ALDH1L1: variants seen among roughly 807,000 people sequenced by gnomAD.
ALDH1L1 encodes aldehyde dehydrogenase 1 family member L1.
ALDH1L1 carries 68 observed loss-of-function variants against 101.1 expected under a neutral mutation model. That is an observed-to-expected ratio of 0.67 (90% CI 0.55 to 0.82). The LOEUF is 0.82. ALDH1L1 is among the 40% of genes least tolerant of loss of function. ALDH1L1 has a pLI of 0.00. For synonymous variants in ALDH1L1, 486 were observed against 470.8 expected (o/e 1.03, Z -0.42); for missense variants, 1,087 against 1,172.7 (o/e 0.93, Z 1.07).
At chr3:126,165,108 G>T (rs1424279924) in intron 1 of ALDH1L1, among the ~76,000 whole-genome samples, 1 of 151,974 alleles carries the variant, frequency 6.6e-6, no homozygotes, top group Non-Finnish European at 1.5e-5. Flanking sequence ...TTTTAATGGG[G>T]TTATTTGTTT....
intron 6 of ALDH1L1, 75 bp from the exon 7 acceptor site, chr3:126,153,656 G>A: frequency 1.3e-6 from 2 of 1,543,410 alleles, no homozygotes; most frequent in South Asian, 2.5e-5. Flanking sequence ...GCAGGTCTGA[G>A]CAGGGCTGGG....
upstream of ALDH1L1, among the ~76,000 whole-genome samples, chr3:126,183,451 C>T (rs1304475664): frequency 6.6e-6 from 1 of 152,048 alleles, no homozygotes; most frequent in Non-Finnish European, 1.5e-5. Context: ...CGGATATGAA[C>T]CTGGGCTGCA....
At chr3:126,146,955 G>T (rs1395231451) in intron 8 of ALDH1L1, 29 bp from the exon 9 acceptor site, 1 of 1,605,318 alleles carries the variant, frequency 6.2e-7, no homozygotes, top group South Asian at 1.1e-5. Flanking sequence ...TGAGAGGCTG[G>T]CCCCAGGGGA....
chr3:126,181,119 C>A, upstream of ALDH1L1: 3 of 963,632 alleles, frequency 3.1e-6, no homozygotes, highest in Non-Finnish European at 4.8e-6. Context: ...AGAAAAACAG[C>A]CCCTGGTTTT....
At chr3:126,189,432 A>G (rs912305853) in intron 1 of ALDH1L1, among the ~76,000 whole-genome samples, 10 of 152,184 alleles carry the variant, frequency 6.6e-5, no homozygotes. Context: ...CTTAAAGTCT[A>G]CAACAGGTGT....
intron 1 of ALDH1L1, among the ~76,000 whole-genome samples, chr3:126,192,319 A>T (rs2081557439): frequency 6.6e-6 from 1 of 152,336 alleles, no homozygotes; most frequent in East Asian, 1.9e-4. Flanking sequence ...GAGTCCTTGA[A>T]TTGCCCAGGC....
At chr3:126,182,540 G>A (rs1468864033), upstream of ALDH1L1, among the ~76,000 whole-genome samples, 1 of 152,178 alleles carries the variant, frequency 6.6e-6, no homozygotes, top group African/African-American at 2.4e-5. Context: ...ATTCTCCTGG[G>A]AAGTCCCCAG....
intron 17 of ALDH1L1, 137 bp from the exon 18 acceptor site, chr3:126,114,793 T>TCCCCCCCCCCCCCCCCCCCCCCCCC: frequency 1.7e-6 from 1 of 595,646 alleles, no homozygotes; most frequent in Non-Finnish European, 2.8e-6. Context: ...GCCTCCCCAC[T>TCCCCCCCCCCCCCCCCCCCCCCCCC]CCCCCCCACC....
chr3:126,167,852 C>T (rs1172914665), intron 1 of ALDH1L1, among the ~76,000 whole-genome samples: 2 of 152,112 alleles, frequency 1.3e-5, no homozygotes, highest in Non-Finnish European at 2.9e-5. Flanking sequence ...ATTGAAAAAA[C>T]AGCATTATAT....
At chr3:126,154,795 T>G (rs1315717886) in intron 5 of ALDH1L1, 152 bp from the exon 6 acceptor site, 4 of 658,820 alleles carry the variant, frequency 6.1e-6, no homozygotes, top group Non-Finnish European at 1.1e-5. Context: ...CTGGTGCCCC[T>G]AGTTCTGGGT....
chr3:126,155,077 T>A (rs1236966794), intron 5 of ALDH1L1, among the ~76,000 whole-genome samples: 1 of 152,134 alleles, frequency 6.6e-6, no homozygotes, highest in Non-Finnish European at 1.5e-5. Context: ...CCCTCACACC[T>A]TGCCTTGAAG....
chr3:126,136,425 T>C (rs554155676), intron 11 of ALDH1L1, among the ~76,000 whole-genome samples: 16 of 152,224 alleles, frequency 1.1e-4, no homozygotes, highest in African/African-American at 3.6e-4. Flanking sequence ...GCTCAAGTAG[T>C]AGACAAGGTA....
chr3:126,141,592 A>C (rs924447058), intron 9 of ALDH1L1, among the ~76,000 whole-genome samples: 1 of 152,100 alleles, frequency 6.6e-6, no homozygotes, highest in Non-Finnish European at 1.5e-5. Context: ...GAGCTAGCAC[A>C]CTCTTAAACA....
At chr3:126,196,862 A>G (rs140856107) in intron 1 of ALDH1L1, among the ~76,000 whole-genome samples, 1 of 152,282 alleles carries the variant, frequency 6.6e-6, no homozygotes, top group East Asian at 1.9e-4. Flanking sequence ...AAAGGACAAA[A>G]CCTTAGCTAC....
intron 14 of ALDH1L1, among the ~76,000 whole-genome samples, chr3:126,126,453 C>T (rs779679648): frequency 2.2e-4 from 34 of 152,206 alleles, no homozygotes; most frequent in South Asian, 4.1e-4. Context: ...AGGCTCCTGT[C>T]GCCACCCCAC....
intron 1 of ALDH1L1, among the ~76,000 whole-genome samples, chr3:126,165,604 C>T (rs2081150319): frequency 6.6e-6 from 1 of 152,092 alleles, no homozygotes; most frequent in Non-Finnish European, 1.5e-5. Context: ...TTTCAGAGCT[C>T]AATATTGGTC....
At chr3:126,121,002 A>G (rs1340964725) in intron 16 of ALDH1L1, among the ~76,000 whole-genome samples, 1 of 152,104 alleles carries the variant, frequency 6.6e-6, no homozygotes, top group Non-Finnish European at 1.5e-5. Context: ...TTATTTGGGG[A>G]TGAAGTCAGT....
intron 1 of ALDH1L1, among the ~76,000 whole-genome samples, chr3:126,168,034 G>A (rs1354658218): frequency 6.6e-6 from 1 of 151,988 alleles, no homozygotes; most frequent in Non-Finnish European, 1.5e-5. Context: ...TATAAAAACA[G>A]TAAAAAGTGT....
intron 1 of ALDH1L1, among the ~76,000 whole-genome samples, chr3:126,167,811 C>G (rs1330714526): frequency 6.6e-6 from 1 of 152,114 alleles, no homozygotes; most frequent in Non-Finnish European, 1.5e-5. Context: ...TACCTAAGCA[C>G]TCACCTTGCG....
Sources: allele counts gnomAD v4.1 joint callset (sites outside exome capture counted in the v4.1 genomes callset), GRCh38; gene constraint gnomAD v4.1.1; transcripts MANE v1.5; gene names NCBI Gene and HGNC (gene_info 2026-07-23, HGNC 2026-07-21).